The following PCDHGA8 variants were observed in gnomAD, a reference collection of about 807,000 sequenced individuals.
PCDHGA8 encodes protocadherin gamma subfamily A, 8.
A neutral mutation model predicts 59.2 loss-of-function variants in PCDHGA8; 45 were observed. That is an observed-to-expected ratio of 0.76 (90% CI 0.60 to 0.98). The LOEUF (loss-of-function observed/expected upper bound fraction) is 0.98. Among genes scored for constraint, PCDHGA8 ranks in the 50% least tolerant of loss-of-function variants. The pLI is 0.00. For missense variants in PCDHGA8, 1,257 were observed against 1,196.2 expected (o/e 1.05, Z -0.75); for synonymous variants, 531 against 519.0 (o/e 1.02, Z -0.32).
intron 1 of PCDHGA8, among the ~76,000 whole-genome samples, chr5:141,460,992 T>C (rs2099006034): frequency 6.6e-6 from 1 of 151,316 alleles, no homozygotes; most frequent in South Asian, 2.1e-4. Context: ...TGTATATATA[T>C]ATATGTGTAT....
At chr5:141,437,463 AC>A (rs2097887109) in intron 1 of PCDHGA8, among the ~76,000 whole-genome samples, 1 of 152,184 alleles carries the variant, frequency 6.6e-6, no homozygotes, top group Non-Finnish European at 1.5e-5. Flanking sequence ...ACTATACTAT[AC>A]TTTTATAGCA....
At chr5:141,395,485 T>C (rs2093239128) in intron 1 of PCDHGA8, 2 of 522,170 alleles carry the variant, frequency 3.8e-6, no homozygotes, top group Non-Finnish European at 6.6e-6. Context: ...TTATTCCTAT[T>C]ATCACTCATT....
At chr5:141,474,117 A>C (rs748431734) in intron 1 of PCDHGA8, among the ~76,000 whole-genome samples, 11 of 152,186 alleles carry the variant, frequency 7.2e-5, no homozygotes, top group Non-Finnish European at 1.2e-4. Context: ...ACAACAACGA[A>C]AATCTCAGAA....
chr5:141,482,041 T>C (rs1443886481), intron 1 of PCDHGA8, among the ~76,000 whole-genome samples: 2 of 150,190 alleles, frequency 1.3e-5, no homozygotes, highest in Non-Finnish European at 2.9e-5. Context: ...GCCAAGATCA[T>C]GCTGTTGCAT....
At chr5:141,399,837 C>T in intron 1 of PCDHGA8, 4 of 1,613,130 alleles carry the variant, frequency 2.5e-6, no homozygotes, top group Non-Finnish European at 3.4e-6. Context: ...GCTCTGCGCT[C>T]TTCGATATGG....
At chr5:141,456,044 C>T (rs1307913066) in intron 1 of PCDHGA8, among the ~76,000 whole-genome samples, 2 of 151,826 alleles carry the variant, frequency 1.3e-5, no homozygotes, top group African/African-American at 2.4e-5. Context: ...ACTACAGGCG[C>T]CCACCACCAC....
chr5:141,414,210 T>G (rs1252033650), intron 1 of PCDHGA8: 1 of 1,612,706 alleles, frequency 6.2e-7, no homozygotes, highest in Admixed American at 1.7e-5. Context: ...AAGATGTAAA[T>G]GACAACAGTC....
At chr5:141,411,417 C>T (rs2095487286) in intron 1 of PCDHGA8, 1 of 148,614 alleles carries the variant, frequency 6.7e-6, no homozygotes, top group Non-Finnish European at 1.5e-5. Context: ...ACTAAAACAA[C>T]AACAACAAAA....
At chr5:141,496,262 C>G (rs934511905) in intron 2 of PCDHGA8, among the ~76,000 whole-genome samples, 3 of 152,158 alleles carry the variant, frequency 2.0e-5, no homozygotes, top group African/African-American at 7.2e-5. Flanking sequence ...GAAACTTCAG[C>G]AGAAAGACCT....
chr5:141,446,759 G>A (rs983129633), intron 1 of PCDHGA8, among the ~76,000 whole-genome samples: 5 of 152,026 alleles, frequency 3.3e-5, no homozygotes, highest in Admixed American at 1.3e-4. Flanking sequence ...GAGCCACCGC[G>A]CCCAGCCGGT....
chr5:141,489,126 T>A lies in PCDHGA8; in HGVS notation c.2425-5681T>A. ...TGCAAGCAGGCAAACCTCCGAGCAGTTTTTAAGAGGCTGGAAGGAGACATA... is the reference window on the plus strand; with the variant it reads ...TGCAAGCAGGCAAACCTCCGAGCAGATTTTAAGAGGCTGGAAGGAGACATA... On this transcript the variant is annotated intron_variant, in intron 1 of 3. Transcript: ENST00000398604. This position sits in a 1 kb window ranked among gnomAD's most constrained non-coding sequence, Gnocchi z 4.5. 1.7e-6 allele frequency: 1 copy of A among 585,136 alleles called. No individual in the cohort carries two copies. Among genetic ancestry groups the A allele is most frequent in the Non-Finnish European group, 2.7e-6 (1 of 375,012 alleles). The allele number at this position is 585,136 out of a possible 1,614,324, so 36.2% of individuals were successfully genotyped here.
chr5:141,465,312 A>G (rs2099100692), intron 1 of PCDHGA8, among the ~76,000 whole-genome samples: 1 of 152,314 alleles, frequency 6.6e-6, no homozygotes, highest in South Asian at 2.1e-4. Flanking sequence ...GAATTTAGCC[A>G]TGTCAATGCA....
Position 141,432,477 on chromosome 5 carries a change from C to G in PCDHGA8, c.2424+37240C>G. On this transcript the variant is annotated intron_variant, in intron 1 of 3. Coordinates refer to ENST00000398604, the MANE Select transcript of PCDHGA8 (RefSeq NM_032088.2). This position sits in a 1 kb window ranked among gnomAD's most constrained non-coding sequence, Gnocchi z 6.0. ...CCCGCCCTCCCCACGGACGGTTCCA[C>G]TGGCGTGGAGCTGGCTCCCCGCTCC... 3 of 1,614,212 alleles carry G rather than the reference C, an allele frequency of 1.9e-6. No homozygotes were observed. Among genetic ancestry groups the G allele is most frequent in the Non-Finnish European group, 1.7e-6 (2 of 1,180,044 alleles).
Position 141,485,436 on chromosome 5 carries a change from A to G in PCDHGA8, c.2425-9371A>G, listed in dbSNP as rs2099613369. On this transcript the variant is annotated intron_variant, in intron 1 of 3. Transcript: ENST00000398604. This position sits in a 1 kb window ranked among gnomAD's most constrained non-coding sequence, Gnocchi z 5.7. ...GACAGCGGAGCCCTGCTCATCAAGA[A>G]CCCAATCGACCGAGAGGCACTGTGT... 1.9e-6 allele frequency: 3 copies of G among 1,614,092 alleles called. No individual in the cohort carries two copies. The highest frequency in any genetic ancestry group is 2.7e-5 in the African/African-American group (2 of 74,934).
Position 141,432,093 on chromosome 5 carries a change from C to G in PCDHGA8, c.2424+36856C>G. On this transcript the variant is annotated intron_variant, in intron 1 of 3. Coordinates refer to ENST00000398604, the MANE Select transcript of PCDHGA8 (RefSeq NM_032088.2). This position sits in a 1 kb window ranked among gnomAD's most constrained non-coding sequence, Gnocchi z 6.0. ...CATATCTCGCTGAACGTGGCAGACA[C>G]CAACGACAACCCGCCGGTCTTCCCT... 1 of 1,614,170 alleles carries G rather than the reference C, an allele frequency of 6.2e-7. No individual in the cohort carries two copies. The highest frequency in any genetic ancestry group is 8.5e-7 in the Non-Finnish European group (1 of 1,180,046).
At position 141,431,952 on chromosome 5, in the gene PCDHGA8, AC is replaced by A; in HGVS notation, c.2424+36716del. ...CTGCCCTTTAAATTAGAAAAATCTTACGGAAATTACTATAGTTTAGTCACAG... is the reference window on the plus strand; with the variant it reads ...CTGCCCTTTAAATTAGAAAAATCTTAGGAAATTACTATAGTTTAGTCACAG... On this transcript the variant is annotated intron_variant, in intron 1 of 3. Transcript: ENST00000398604. This position sits in a 1 kb window ranked among gnomAD's most constrained non-coding sequence, Gnocchi z 4.8. 1 of 1,614,166 alleles carries A rather than the reference AC, an allele frequency of 6.2e-7. No homozygotes were observed. The highest frequency in any genetic ancestry group is 1.1e-5 in the South Asian group (1 of 91,090).
intron 1 of PCDHGA8, among the ~76,000 whole-genome samples, 184 bp from the exon 2 acceptor site, chr5:141,494,623 C>A (rs2099755716): frequency 6.6e-6 from 1 of 152,146 alleles, no homozygotes; most frequent in Non-Finnish European, 1.5e-5. Flanking sequence ...GTTTCTGGTA[C>A]CTCAGACCTC....
intron 1 of PCDHGA8, chr5:141,404,026 A>T: frequency 6.2e-7 from 1 of 1,613,874 alleles, no homozygotes; most frequent in Non-Finnish European, 8.5e-7. Context: ...CAGTGAGAGA[A>T]GACGCACCTC....
At chr5:141,409,436 C>G (rs368696166) in intron 1 of PCDHGA8, 2 of 1,613,982 alleles carry the variant, frequency 1.2e-6, no homozygotes, top group Non-Finnish European at 1.7e-6. Flanking sequence ...AGCCCTGGAC[C>G]GAGAGCAGAC....
Sources: allele counts gnomAD v4.1 joint callset (sites outside exome capture counted in the v4.1 genomes callset), GRCh38; gene constraint gnomAD v4.1.1; non-coding constraint Gnocchi (gnomAD v3.1); transcripts MANE v1.5; gene names NCBI Gene and HGNC (gene_info 2026-07-23, HGNC 2026-07-21).